AGBL1: variants seen among roughly 807,000 people sequenced by gnomAD.
AGBL1 encodes the protein AGBL carboxypeptidase 1, also known as cytosolic carboxypeptidase 4.
In AGBL1, 130 loss-of-function variants were observed where a neutral mutation model predicts 118.9. The ratio of observed to expected loss-of-function variants is 1.09; its 90% CI spans 0.95 to 1.26. The LOEUF is 1.26. AGBL1 is among the 50% of genes most tolerant of loss of function. The pLI, the probability that AGBL1 is intolerant of heterozygous loss-of-function variation, is 0.00. For missense variants in AGBL1, 1,584 were observed against 1,298.1 expected (o/e 1.22, Z -3.38); for synonymous variants, 555 against 478.9 (o/e 1.16, Z -2.08).
intron 5 of AGBL1, among the ~76,000 whole-genome samples, chr15:86,202,097 A>G (rs928005729): frequency 6.6e-6 from 1 of 152,174 alleles, no homozygotes; most frequent in Admixed American, 6.5e-5. Flanking sequence ...GTTCGACACC[A>G]GCCTGGCCAA....
chr15:86,564,573 T>C (rs1596270542), intron 21 of AGBL1, among the ~76,000 whole-genome samples: 1 of 152,188 alleles, frequency 6.6e-6, no homozygotes, highest in Non-Finnish European at 1.5e-5. Flanking sequence ...ATTTTTTCCT[T>C]CATTTCAACT....
intron 18 of AGBL1, among the ~76,000 whole-genome samples, chr15:86,405,383 G>A (rs28675919): frequency 0.015 from 2,226 of 152,194 alleles, 50 homozygotes; most frequent in African/African-American, 0.052. Flanking sequence ...AGCTGTGGTG[G>A]TGGGTACCTG....
intron 22 of AGBL1, among the ~76,000 whole-genome samples, chr15:86,844,539 C>A (rs1397902409): frequency 6.6e-6 from 1 of 152,090 alleles, no homozygotes; most frequent in Non-Finnish European, 1.5e-5. Context: ...GAATATTTGG[C>A]CCATTTCTTA....
At chr15:86,671,755 A>G (rs988715851) in intron 21 of AGBL1, among the ~76,000 whole-genome samples, 4 of 152,180 alleles carry the variant, frequency 2.6e-5, no homozygotes, top group African/African-American at 4.8e-5. Flanking sequence ...GTTCTACTTG[A>G]CAGTTACAAT....
At chr15:86,749,356 A>AT (rs2077811046) in intron 22 of AGBL1, among the ~76,000 whole-genome samples, 3 of 152,128 alleles carry the variant, frequency 2.0e-5, no homozygotes, top group Non-Finnish European at 4.4e-5. Flanking sequence ...TTGCACATTG[A>AT]TTTTGTATCC....
rs557486254 is a variant in AGBL1, at chr15:86,370,053, C to G, written c.2375-27313C>G. ...AGCAGAGAGCAATTTACTTCCATCT[C>G]TATCATAAAAAATATTTAGAAACTT... On this transcript the variant is annotated intron_variant, in intron 17 of 22. Coordinates refer to ENST00000614907, the MANE Select transcript of AGBL1 (RefSeq NM_001386094.1). Among the ~76,000 whole-genome samples, 101 of 152,226 alleles carry G rather than the reference C, an allele frequency of 6.6e-4. 2 individuals are homozygous for G. In the South Asian group the frequency reaches 0.019, roughly 29 times the overall value.
intron 22 of AGBL1, among the ~76,000 whole-genome samples, chr15:86,696,975 TA>T (rs2086273800): frequency 6.6e-6 from 1 of 151,986 alleles, no homozygotes; most frequent in South Asian, 2.1e-4. Context: ...TTGCTGTTAA[TA>T]AGATAGTTTT....
intron 1 of AGBL1, among the ~76,000 whole-genome samples, chr15:86,130,170 G>A (rs899259219): frequency 2.0e-5 from 3 of 152,056 alleles, no homozygotes; most frequent in South Asian, 2.1e-4. Context: ...GAAGAGCTTC[G>A]TGCCCTACCT....
At chr15:86,979,395 T>C (rs964705414) in intron 23 of AGBL1, among the ~76,000 whole-genome samples, 2 of 152,220 alleles carry the variant, frequency 1.3e-5, no homozygotes, top group African/African-American at 4.8e-5. Context: ...CTATATCTAA[T>C]ACATGATACA....
chr15:86,239,453 C>G (rs986068340), intron 6 of AGBL1, among the ~76,000 whole-genome samples: 1 of 152,136 alleles, frequency 6.6e-6, no homozygotes, highest in African/African-American at 2.4e-5. Flanking sequence ...TGGCTGTTCT[C>G]CTTTGCACCA....
At chr15:86,962,087 T>G (rs1048517592) in intron 23 of AGBL1, among the ~76,000 whole-genome samples, 3 of 152,132 alleles carry the variant, frequency 2.0e-5, no homozygotes, top group African/African-American at 7.2e-5. Context: ...CTATTACAAA[T>G]TGCAAATTCA....
rs1202437177 is a variant in AGBL1, at chr15:86,196,874, C to CGT, written c.489-28039_489-28038insTG. Among the ~76,000 whole-genome samples, 41 of 93,210 alleles carry CGT rather than the reference C, an allele frequency of 4.4e-4. 1 individual carries two copies. The highest frequency in any genetic ancestry group is 9.4e-4 in the African/African-American group (19 of 20,204). 61.1% of individuals were successfully genotyped at this position (93,210 alleles called of 152,430 possible). The stretch of plus-strand genomic sequence containing the variant: ...ATATGCGAATGTGCACATGTGCGCG[C>CGT]GCGCGCACACACACACACACACACA... On this transcript the variant is annotated intron_variant, in intron 5 of 22. Transcript: ENST00000614907.
At chr15:86,949,248 A>G (rs566105808) in intron 23 of AGBL1, among the ~76,000 whole-genome samples, 148 of 152,328 alleles carry the variant, frequency 9.7e-4, no homozygotes, top group Non-Finnish European at 1.7e-3. Context: ...CCTATTAGGA[A>G]AAACTTACAA....
chr15:86,915,485 A>G lies in AGBL1; in HGVS notation c.*8191A>G, dbSNP rs2080408377. On this transcript the variant is annotated 3_prime_UTR_variant, in exon 23 of 23. Transcript: ENST00000614907. ...TCTTCTGTTCCCTCTTCTTCCATCC[A>G]TGTGCCTAGATCTATCCATTATGTG... is the stretch of plus-strand genomic sequence containing the variant. 6.6e-6 allele frequency: 1 copy of G among 152,026 alleles called. No individual in the cohort carries two copies. The highest frequency in any genetic ancestry group is 1.5e-5 in the Non-Finnish European group (1 of 68,042). 9.4% of individuals were successfully genotyped at this position (152,026 alleles called of 1,614,324 possible).
rs1055469174 is a variant in AGBL1 at position 86,205,563 on chromosome 15, A to G, written c.489-19351A>G. On this transcript the variant is annotated intron_variant, in intron 5 of 22. Coordinates refer to ENST00000614907, the MANE Select transcript of AGBL1 (RefSeq NM_001386094.1). ...TCCAAAGTGGTTGTTACCGTTTTGC[A>G]TTCGCATCAGCAATGAGTGAGAATT... Among the ~76,000 whole-genome samples the G allele has an allele frequency of 3.9e-5, 6 of 152,358 alleles. No homozygotes were observed. The East Asian group carries it at 1.2e-3, about 29-fold the overall frequency.
Position 86,264,784 on chromosome 15 carries a change from A to G in AGBL1, c.1613A>G (p.His538Arg), listed in dbSNP as rs751727702. 6 of 1,613,902 alleles carry G rather than the reference A, an allele frequency of 3.7e-6. No homozygotes were observed. In the South Asian group the frequency reaches 6.6e-5, roughly 18 times the overall value. The change falls in exon 11 of 23, where the codon CAC (histidine) becomes CGC (arginine). Residue 538 changes from histidine to arginine, a missense_variant. By Grantham distance (29) the His-to-Arg change is conservative (BLOSUM62 0). Transcript: ENST00000614907. Reference protein sequence around the residue: ...KMMAFPDVWGHCPPPTTQPML... With the variant: ...KMMAFPDVWGRCPPPTTQPML... Reference sequence around the variant, plus strand: ...ATGGCATTTCCTGATGTCTGGGGACACTGTCCCCCTCCCACCACCCAGCCT... The same window carrying G: ...ATGGCATTTCCTGATGTCTGGGGACGCTGTCCCCCTCCCACCACCCAGCCT...
intron 17 of AGBL1, among the ~76,000 whole-genome samples, chr15:86,321,776 C>A (rs1310135277): frequency 2.1e-4 from 30 of 144,270 alleles, no homozygotes; most frequent in Admixed American, 2.1e-4. Flanking sequence ...GACTCTGTCT[C>A]AAAAAAAAAA....
At chr15:86,878,973 C>A (rs1393099559) in intron 22 of AGBL1, among the ~76,000 whole-genome samples, 3 of 152,188 alleles carry the variant, frequency 2.0e-5, no homozygotes, top group African/African-American at 7.2e-5. Context: ...CAGTTCACAG[C>A]ACACCTGGTT....
chr15:86,359,962 C>T (rs1477718548), intron 17 of AGBL1, among the ~76,000 whole-genome samples: 1 of 151,886 alleles, frequency 6.6e-6, no homozygotes, highest in African/African-American at 2.4e-5. Context: ...GGGTTTTCTA[C>T]ATATATATCA....
Sources: allele counts gnomAD v4.1 joint callset (sites outside exome capture counted in the v4.1 genomes callset), GRCh38; gene constraint gnomAD v4.1.1; transcripts MANE v1.5; gene names NCBI Gene and HGNC (gene_info 2026-07-23, HGNC 2026-07-21).